The following TENM3 variants were observed in gnomAD, a reference collection of about 807,000 sequenced individuals.
The protein encoded by TENM3 is teneurin-3.
Under a neutral mutation model 255.1 loss-of-function variants are expected in TENM3, and 63 were observed. The observed-to-expected ratio is 0.25, with a 90% CI of 0.20 to 0.30. The LOEUF (loss-of-function observed/expected upper bound fraction) is 0.30. TENM3 is among the 10% of genes least tolerant of loss of function. The pLI is 1.00. For missense variants in TENM3, 2,929 were observed against 3,461.1 expected (o/e 0.85, Z 3.86); for synonymous variants, 1,306 against 1,322.3 (o/e 0.99, Z 0.27).
the TENM3 span, among the ~76,000 whole-genome samples, chr4:181,518,451 G>A: frequency 3.3e-5 from 5 of 152,108 alleles, no homozygotes; most frequent in East Asian, 1.9e-4. Flanking sequence ...TATTTGAGAC[G>A]GAGTCTCACT....
At chr4:181,456,346 A>G in the TENM3 span, among the ~76,000 whole-genome samples, 80 of 151,960 alleles carry the variant, frequency 5.3e-4, no homozygotes, top group African/African-American at 1.9e-3. Context: ...CCATTAACCT[A>G]TTCCTTGCAA....
chr4:181,686,609 TAC>T, the TENM3 span, among the ~76,000 whole-genome samples: 1 of 152,164 alleles, frequency 6.6e-6, no homozygotes, highest in Admixed American at 6.6e-5. Context: ...TTCAAAGATT[TAC>T]AGTTTAGCAG....
intron 3 of TENM3, among the ~76,000 whole-genome samples, chr4:182,600,375 C>G (rs1220087885): frequency 6.6e-6 from 1 of 152,200 alleles, no homozygotes; most frequent in Non-Finnish European, 1.5e-5. Context: ...ATTAGTAGAT[C>G]ATAGTGCAGA....
chr4:181,506,354 G>A, the TENM3 span, among the ~76,000 whole-genome samples: 2 of 151,744 alleles, frequency 1.3e-5, no homozygotes, highest in African/African-American at 4.8e-5. Context: ...CATGCATGGT[G>A]AGGCACTGTC....
intron 3 of TENM3, among the ~76,000 whole-genome samples, chr4:182,437,064 T>C (rs1174056358): frequency 6.7e-6 from 1 of 150,348 alleles, no homozygotes; most frequent in East Asian, 1.9e-4. Context: ...GCTATTCTCA[T>C]GAAGGAAAGA....
At position 182,514,600 on chromosome 4, in the gene TENM3, G is replaced by A. The variant is rs1004930832; in HGVS notation, c.512-86324G>A. ...GATTTCATATTTCACAGAACAATAC[G>A]CCTTTCTTAGTGTGATGTAGTCTGA... On this transcript the variant is annotated intron_variant, in intron 3 of 27. Coordinates refer to ENST00000511685, the MANE Select transcript of TENM3 (RefSeq NM_001080477.4). Among the ~76,000 whole-genome samples, 10 of 152,132 alleles carry A rather than the reference G, an allele frequency of 6.6e-5. No individual in the cohort carries two copies. The East Asian group carries it at 1.6e-3, about 24-fold the overall frequency.
the TENM3 span, among the ~76,000 whole-genome samples, chr4:181,793,930 T>C: frequency 3.3e-5 from 5 of 152,324 alleles, no homozygotes; most frequent in South Asian, 8.3e-4. Flanking sequence ...GCTGGTCCTA[T>C]AGTCCTTTTT....
chr4:181,518,277 T>G, the TENM3 span, among the ~76,000 whole-genome samples: 5 of 152,038 alleles, frequency 3.3e-5, no homozygotes, highest in Non-Finnish European at 7.4e-5. Context: ...CACTAACAGA[T>G]ATGTAAACTG....
chr4:182,495,569 T>C (rs1288520738), intron 3 of TENM3, among the ~76,000 whole-genome samples: 1 of 152,198 alleles, frequency 6.6e-6, no homozygotes, highest in Non-Finnish European at 1.5e-5. Flanking sequence ...CTCTTGCATA[T>C]TTTTAATGGA....
At chr4:181,915,808 G>A in the TENM3 span, among the ~76,000 whole-genome samples, 1 of 151,990 alleles carries the variant, frequency 6.6e-6, no homozygotes, top group Non-Finnish European at 1.5e-5. Flanking sequence ...TGTATCACTG[G>A]AAAAGGCTAA....
chr4:182,098,558 G>A, the TENM3 span, among the ~76,000 whole-genome samples: 2 of 152,186 alleles, frequency 1.3e-5, no homozygotes, highest in South Asian at 4.1e-4. Context: ...TGGGGGTTAT[G>A]TAAAATAAGC....
At chr4:182,201,175 A>G (rs528332401) in intron 1 of TENM3, among the ~76,000 whole-genome samples, 1 of 152,256 alleles carries the variant, frequency 6.6e-6, no homozygotes, top group East Asian at 1.9e-4. Context: ...TTAAATAACC[A>G]GATAGTACGT....
At chr4:182,064,546 G>GCA in the TENM3 span, among the ~76,000 whole-genome samples, 2 of 152,038 alleles carry the variant, frequency 1.3e-5, no homozygotes, top group South Asian at 2.1e-4. Flanking sequence ...TCGCACCACT[G>GCA]CTCCAGCCTG....
At chr4:182,491,319 T>C (rs767734215) in intron 3 of TENM3, among the ~76,000 whole-genome samples, 3 of 152,146 alleles carry the variant, frequency 2.0e-5, no homozygotes, top group Non-Finnish European at 4.4e-5. Context: ...CCCTAATGTA[T>C]GTCACTGAAT....
the TENM3 span, among the ~76,000 whole-genome samples, chr4:181,857,440 T>G: frequency 6.6e-6 from 1 of 150,874 alleles, no homozygotes; most frequent in African/African-American, 2.4e-5. Context: ...TTTGGCCAGG[T>G]GCAGTGGCTC....
intron 1 of TENM3, among the ~76,000 whole-genome samples, chr4:182,285,939 A>G (rs1475808890): frequency 1.3e-5 from 2 of 152,156 alleles, no homozygotes; most frequent in African/African-American, 4.8e-5. Context: ...ATGATGAACC[A>G]CTGATCATCT....
chr4:182,226,825 GTGGGTCCCTC>G (rs895900331), intron 1 of TENM3, among the ~76,000 whole-genome samples: 24 of 152,186 alleles, frequency 1.6e-4, no homozygotes, highest in African/African-American at 5.8e-4. Flanking sequence ...CTCCAAGTCA[GTGGGTCCCTC>G]TCTGCCACTC....
intron 3 of TENM3, among the ~76,000 whole-genome samples, chr4:182,508,733 C>T (rs1281045101): frequency 6.6e-6 from 1 of 152,086 alleles, no homozygotes; most frequent in East Asian, 1.9e-4. Context: ...TGAAATGGGT[C>T]CTTTCTTCTT....
At chr4:182,197,574 G>T (rs944416531) in intron 1 of TENM3, among the ~76,000 whole-genome samples, 1 of 152,246 alleles carries the variant, frequency 6.6e-6, no homozygotes, top group East Asian at 1.9e-4. Context: ...ATAAGTTGCA[G>T]CTCAACAATA....
Sources: gnomAD v4.1 joint callset for allele counts (sites outside exome capture counted in the v4.1 genomes callset) on GRCh38, gnomAD v4.1.1 for gene constraint, MANE v1.5 for transcripts, NCBI Gene and HGNC (gene_info 2026-07-23, HGNC 2026-07-21) for gene names.